Variants in MGAT4C observed in about 807,000 individuals in gnomAD.
The protein encoded by MGAT4C is alpha-1,3-mannosyl-glycoprotein 4-beta-N-acetylglucosaminyltransferase C.
In MGAT4C, 19 loss-of-function variants were observed where a neutral mutation model predicts 40.1. The observed-to-expected ratio is 0.47, with a 90% CI of 0.33 to 0.70. MGAT4C has a LOEUF of 0.70. MGAT4C is among the 30% of genes least tolerant of loss of function. MGAT4C has a pLI of 0.02. For synonymous variants in MGAT4C, 181 were observed against 187.1 expected (o/e 0.97, Z 0.27); for missense variants, 491 against 563.2 (o/e 0.87, Z 1.30).
chr12:86,751,460 A>G (rs1951230604), intron 1 of MGAT4C, among the ~76,000 whole-genome samples: 2 of 151,994 alleles, frequency 1.3e-5, no homozygotes, highest in Non-Finnish European at 2.9e-5. Context: ...AAGATTAAGA[A>G]CAAGTAAAAA....
chr12:86,006,906 C>T (rs1887943995), intron 2 of MGAT4C, among the ~76,000 whole-genome samples: 1 of 152,116 alleles, frequency 6.6e-6, no homozygotes, highest in Non-Finnish European at 1.5e-5. Flanking sequence ...CTGTCCCCTA[C>T]TACAAAACCC....
At chr12:86,769,418 G>T (rs1951586245) in intron 1 of MGAT4C, among the ~76,000 whole-genome samples, 2 of 152,130 alleles carry the variant, frequency 1.3e-5, no homozygotes, top group African/African-American at 2.4e-5. Context: ...CTGTTGGTGG[G>T]ATTGTAAACT....
intron 2 of MGAT4C, among the ~76,000 whole-genome samples, chr12:86,538,295 CAT>C (rs997885461): frequency 6.6e-6 from 1 of 152,076 alleles, no homozygotes; most frequent in African/African-American, 2.4e-5. Context: ...ACAGGAGAAA[CAT>C]AAGCATTTTG....
chr12:86,090,669 T>C (rs375005249), intron 1 of MGAT4C, among the ~76,000 whole-genome samples: 1 of 151,866 alleles, frequency 6.6e-6, no homozygotes, highest in African/African-American at 2.4e-5. Context: ...TGTGACCATA[T>C]ATACCTCTAA....
chr12:86,746,778 G>C (rs954213507), intron 1 of MGAT4C, among the ~76,000 whole-genome samples: 2 of 151,340 alleles, frequency 1.3e-5, no homozygotes, highest in African/African-American at 4.8e-5. Context: ...ATCACCTTAG[G>C]TATCTTTTCT....
chr12:86,082,236 C>T (rs1565955644), intron 1 of MGAT4C, among the ~76,000 whole-genome samples: 1 of 152,138 alleles, frequency 6.6e-6, no homozygotes, highest in African/African-American at 2.4e-5. Context: ...TCTAGATGAC[C>T]TTAAGTGACC....
At chr12:86,733,450 AACAC>A (rs200290051) in intron 1 of MGAT4C, among the ~76,000 whole-genome samples, 3 of 151,878 alleles carry the variant, frequency 2.0e-5, no homozygotes, top group Non-Finnish European at 4.4e-5. Flanking sequence ...CAAACAAACA[AACAC>A]AAAGTTTGGC....
At chr12:86,536,528 A>G (rs1959071533) in intron 2 of MGAT4C, among the ~76,000 whole-genome samples, 2 of 152,212 alleles carry the variant, frequency 1.3e-5, no homozygotes, top group Admixed American at 6.5e-5. Context: ...AAAATCCAGA[A>G]GTCATGAATA....
intron 2 of MGAT4C, among the ~76,000 whole-genome samples, chr12:86,624,452 T>G (rs1048532390): frequency 1.3e-5 from 2 of 152,262 alleles, no homozygotes; most frequent in African/African-American, 4.8e-5. Flanking sequence ...TAACAGAGAA[T>G]GAGAGACTTA....
At chr12:86,738,731 T>C (rs1355086867) in intron 1 of MGAT4C, among the ~76,000 whole-genome samples, 2 of 151,282 alleles carry the variant, frequency 1.3e-5, no homozygotes, top group Admixed American at 1.3e-4. Context: ...ATGACACATA[T>C]GTCTATGCAT....
intron 3 of MGAT4C, among the ~76,000 whole-genome samples, chr12:86,377,510 G>A (rs1955852066): frequency 6.6e-6 from 1 of 152,164 alleles, no homozygotes; most frequent in Non-Finnish European, 1.5e-5. Context: ...CAGCATATAT[G>A]TTGTGTTCAA....
At chr12:86,112,000 G>A (rs766924007) in intron 1 of MGAT4C, among the ~76,000 whole-genome samples, 5 of 151,788 alleles carry the variant, frequency 3.3e-5, no homozygotes, top group Non-Finnish European at 7.4e-5. Flanking sequence ...ATGTACATGT[G>A]TATACTGTGC....
chr12:86,120,368 G>GTC (rs1879177437), intron 1 of MGAT4C, among the ~76,000 whole-genome samples: 1 of 152,148 alleles, frequency 6.6e-6, no homozygotes, highest in African/African-American at 2.4e-5. Flanking sequence ...AAACTTCCCA[G>GTC]TCTGACAGCT....
chr12:86,543,714 A>G (rs139989043), intron 2 of MGAT4C, among the ~76,000 whole-genome samples: 25 of 152,314 alleles, frequency 1.6e-4, no homozygotes, highest in Admixed American at 2.6e-4. Context: ...TTTGATTCCA[A>G]TAATACATCA....
intron 4 of MGAT4C, among the ~76,000 whole-genome samples, chr12:86,316,079 C>CAAAAAAAAAAA (rs71076185): frequency 5.9e-5 from 2 of 34,064 alleles, no homozygotes. Context: ...ATACAAGCAG[C>CAAAAAAAAAAA]AAAAAAAAAA....
rs919528698 is a variant in MGAT4C at position 86,202,809 on chromosome 12, C to G, written c.-57+53430G>C. ...AGTGAATTTTCTTTCATTTATTGTA[C>G]TTTTCTAGTATTTCCATTTTCTTTT... On this transcript the variant is annotated intron_variant, in intron 1 of 4. Transcript: ENST00000611864. 3.3e-5 allele frequency among the ~76,000 whole-genome samples: 5 copies of G among 151,878 alleles called. 1 individual carries two copies. In the East Asian group the frequency reaches 9.6e-4, roughly 29 times the overall value.
At chr12:86,404,543 G>A (rs1295875495) in intron 3 of MGAT4C, among the ~76,000 whole-genome samples, 1 of 152,088 alleles carries the variant, frequency 6.6e-6, no homozygotes, top group Non-Finnish European at 1.5e-5. Flanking sequence ...TGTGACCATG[G>A]AGGCAGAAAT....
chr12:86,270,323 C>T (rs1003694967), intron 4 of MGAT4C, among the ~76,000 whole-genome samples: 10 of 151,954 alleles, frequency 6.6e-5, no homozygotes, highest in South Asian at 4.2e-4. Context: ...TCAGGTGATC[C>T]GCCCGCCTCG....
chr12:86,281,384 T>C (rs1953214669), intron 4 of MGAT4C, among the ~76,000 whole-genome samples: 1 of 152,000 alleles, frequency 6.6e-6, no homozygotes, highest in South Asian at 2.1e-4. Flanking sequence ...ATATAAAATA[T>C]ATATCCATTT....
Sources: allele counts gnomAD v4.1 joint callset (sites outside exome capture counted in the v4.1 genomes callset), GRCh38; gene constraint gnomAD v4.1.1; transcripts MANE v1.5; gene names NCBI Gene and HGNC (gene_info 2026-07-23, HGNC 2026-07-21).